The following CFAP263 variants were observed in gnomAD, a reference collection of about 807,000 sequenced individuals.
CFAP263 encodes the protein cilia and flagella associated protein 263, also known as cilia- and flagella-associated protein 263.
At chr16:58,277,377 C>G in the CFAP263 span, among the ~76,000 whole-genome samples, 1 of 152,154 alleles carries the variant, frequency 6.6e-6, no homozygotes, top group Non-Finnish European at 1.5e-5. Context: ...GATCCGCCCG[C>G]CTTAGCCTCC....
At chr16:58,269,378 G>GAAGA in the CFAP263 span, among the ~76,000 whole-genome samples, 5 of 149,228 alleles carry the variant, frequency 3.4e-5, no homozygotes, top group African/African-American at 5.0e-5. Context: ...TTATTTATAA[G>GAAGA]AAGAAAGGAA....
chr16:58,253,781 T>C, the CFAP263 span, among the ~76,000 whole-genome samples: 204 of 152,332 alleles, frequency 1.3e-3, no homozygotes, highest in African/African-American at 4.6e-3. Context: ...TTGTCAAACA[T>C]AGGCCTTTGA....
At chr16:58,263,242 A>G in the CFAP263 span, among the ~76,000 whole-genome samples, 2 of 152,210 alleles carry the variant, frequency 1.3e-5, no homozygotes, top group African/African-American at 4.8e-5. Flanking sequence ...ATGATATTAC[A>G]GAAGAACCTT....
chr16:58,252,561 T>C, the CFAP263 span, among the ~76,000 whole-genome samples: 2 of 152,162 alleles, frequency 1.3e-5, no homozygotes, highest in African/African-American at 2.4e-5. Context: ...GTCTTCCTTA[T>C]TGGAACCCTA....
At chr16:58,273,330 T>G in the CFAP263 span, among the ~76,000 whole-genome samples, 6 of 152,206 alleles carry the variant, frequency 3.9e-5, no homozygotes, top group East Asian at 1.2e-3. Flanking sequence ...GTTGGTACAC[T>G]TAGTGGTATT....
the CFAP263 span, chr16:58,259,949 T>C: frequency 4.5e-6 from 7 of 1,539,744 alleles, no homozygotes; most frequent in African/African-American, 4.1e-5. Flanking sequence ...GTGGTCCTTT[T>C]TCTCTCTCTC....
chr16:58,253,912 G>T, the CFAP263 span: 1 of 1,455,752 alleles, frequency 6.9e-7, no homozygotes, highest in South Asian at 1.2e-5. Flanking sequence ...ACTTCTAGCA[G>T]GTCAGAGGAT....
At chr16:58,278,563 G>A in the CFAP263 span, 19 of 1,614,010 alleles carry the variant, frequency 1.2e-5, no homozygotes, top group Admixed American at 5.0e-5. Context: ...GATGACTTAC[G>A]TCCGGGAGAA....
At chr16:58,266,375 A>G in the CFAP263 span, among the ~76,000 whole-genome samples, 1 of 36,266 alleles carries the variant, frequency 2.8e-5, no homozygotes, top group Non-Finnish European at 4.7e-5. Context: ...TCTTTCCAGC[A>G]TATATATATA....
the CFAP263 span, among the ~76,000 whole-genome samples, chr16:58,257,608 A>AT: frequency 1.4e-4 from 20 of 139,088 alleles, no homozygotes; most frequent in Admixed American, 4.3e-4. Context: ...TATCTTCTTT[A>AT]TTTTTTTTTC....
At chr16:58,278,371 C>T in the CFAP263 span, 2 of 943,472 alleles carry the variant, frequency 2.1e-6, no homozygotes, top group African/African-American at 3.3e-5. Context: ...AAAATGTAAA[C>T]ATTATTTTTG....
chr16:58,250,175 G>T, the CFAP263 span: 23 of 1,087,196 alleles, frequency 2.1e-5, no homozygotes, highest in South Asian at 1.5e-4. Context: ...TCTCCGGGCG[G>T]CCTCGGACTT....
At chr16:58,266,407 T>A in the CFAP263 span, among the ~76,000 whole-genome samples, 156 of 23,102 alleles carry the variant, frequency 6.8e-3, no homozygotes, top group South Asian at 0.015. Context: ...ATATATATAT[T>A]TTTTTTTTTT....
the CFAP263 span, among the ~76,000 whole-genome samples, chr16:58,252,229 G>A: frequency 0.07 from 10,671 of 152,074 alleles, 828 homozygotes; most frequent in African/African-American, 0.19. Flanking sequence ...AATTAGCCAG[G>A]CATGGCATTG....
chr16:58,255,201 A>G, the CFAP263 span, among the ~76,000 whole-genome samples: 2 of 152,212 alleles, frequency 1.3e-5, no homozygotes, highest in Non-Finnish European at 2.9e-5. Flanking sequence ...AGCTGCTGGT[A>G]CAAGTCCGAG....
the CFAP263 span, among the ~76,000 whole-genome samples, chr16:58,265,620 A>C: frequency 6.6e-6 from 1 of 152,232 alleles, no homozygotes; most frequent in Non-Finnish European, 1.5e-5. Flanking sequence ...GATTTCAGCC[A>C]GATGTGACCA....
At chr16:58,268,012 G>GAGA in the CFAP263 span, among the ~76,000 whole-genome samples, 1 of 146,636 alleles carries the variant, frequency 6.8e-6, no homozygotes, top group Admixed American at 6.9e-5. Context: ...GAAAGAGAGA[G>GAGA]AGAAAGAGAG....
the CFAP263 span, among the ~76,000 whole-genome samples, chr16:58,264,868 C>T: frequency 1.3e-5 from 2 of 152,154 alleles, no homozygotes; most frequent in African/African-American, 4.8e-5. Flanking sequence ...AATAATTGTC[C>T]TCTATACCAA....
chr16:58,279,338 G>C, the CFAP263 span, among the ~76,000 whole-genome samples: 110,493 of 152,044 alleles, frequency 0.73, 41,063 homozygotes, highest in African/African-American at 0.89. Flanking sequence ...GTGTTACTTT[G>C]TCCTGCCTCT....
Sources: gnomAD v4.1 joint callset for allele counts (sites outside exome capture counted in the v4.1 genomes callset) on GRCh38, gnomAD v4.1.1 for gene constraint, MANE v1.5 for transcripts, NCBI Gene and HGNC (gene_info 2026-07-23, HGNC 2026-07-21) for gene names.